Variants in PHF21B observed in about 807,000 individuals in gnomAD.
The protein encoded by PHF21B is PHD finger protein 4.
PHF21B carries 22 observed loss-of-function variants against 62.2 expected under a neutral mutation model. The observed-to-expected ratio is 0.35, with a 90% CI of 0.25 to 0.51. The LOEUF is 0.51. PHF21B is among the 20% of genes least tolerant of loss of function. The pLI, the probability that PHF21B is intolerant of heterozygous loss-of-function variation, is 0.97. For missense variants in PHF21B, 701 were observed against 707.9 expected (o/e 0.99, Z 0.11); for synonymous variants, 341 against 314.7 (o/e 1.08, Z -0.88).
At chr22:44,984,179 C>T (rs2072901096) in intron 2 of PHF21B, among the ~76,000 whole-genome samples, 9 of 105,252 alleles carry the variant, frequency 8.6e-5, no homozygotes, top group African/African-American at 1.4e-4. Flanking sequence ...ATCACCATCA[C>T]AACCACCATC....
chr22:44,969,293 C>T (rs2072591289), intron 2 of PHF21B: 1 of 152,288 alleles, frequency 6.6e-6, no homozygotes. Context: ...AGCTCTTAGA[C>T]TGAGGCCTGG....
At chr22:44,884,781 A>G (rs138695153) in intron 12 of PHF21B, among the ~76,000 whole-genome samples, 1 of 149,886 alleles carries the variant, frequency 6.7e-6, no homozygotes, top group Non-Finnish European at 1.5e-5. Flanking sequence ...CACCATCACC[A>G]CCACCATTAC....
chr22:44,888,934 G>A (rs925908886), intron 9 of PHF21B, among the ~76,000 whole-genome samples: 5 of 152,238 alleles, frequency 3.3e-5, no homozygotes, highest in Non-Finnish European at 5.9e-5. Flanking sequence ...TGTGGGCTCT[G>A]TGGGGACAGA....
intron 2 of PHF21B, among the ~76,000 whole-genome samples, chr22:44,951,590 G>A (rs1448445195): frequency 6.6e-6 from 1 of 152,196 alleles, no homozygotes; most frequent in Non-Finnish European, 1.5e-5. Context: ...TAACACCTGT[G>A]AGATGCATGA....
At chr22:44,930,370 G>A (rs2071716423) in intron 2 of PHF21B, among the ~76,000 whole-genome samples, 1 of 152,216 alleles carries the variant, frequency 6.6e-6, no homozygotes, top group Non-Finnish European at 1.5e-5. Context: ...TTTGGGTGGA[G>A]AACATGTGGA....
chr22:44,988,384 C>A (rs949036196), intron 2 of PHF21B, among the ~76,000 whole-genome samples: 2 of 152,136 alleles, frequency 1.3e-5, no homozygotes, highest in Non-Finnish European at 2.9e-5. Context: ...ATTGCTTGAG[C>A]CCTGGAGGTC....
rs542668074 is a variant in PHF21B at position 44,997,339 on chromosome 22, C to T, written c.120+11206G>A. Among the ~76,000 whole-genome samples the T allele has an allele frequency of 3.3e-3, 502 of 152,250 alleles. 2 individuals carry two copies. The highest frequency in any genetic ancestry group is 3.5e-3 in the Non-Finnish European group (238 of 68,016). The stretch of plus-strand genomic sequence containing the variant: ...GCTGGAATCACCTCGAGGGCTCTGG[C>T]CTCAGTCCACGATGGCCCCAGTAAC... On this transcript the variant is annotated intron_variant, in intron 2 of 12. Coordinates refer to ENST00000313237, the MANE Select transcript of PHF21B (RefSeq NM_138415.5).
chr22:44,921,691 C>T (rs1003078567), intron 2 of PHF21B, among the ~76,000 whole-genome samples: 9 of 148,706 alleles, frequency 6.1e-5, no homozygotes, highest in African/African-American at 1.2e-4. Context: ...TGGAGACTCG[C>T]TCTGTTGCCC....
chr22:44,927,833 C>T (rs2071662395), intron 2 of PHF21B, among the ~76,000 whole-genome samples: 1 of 152,202 alleles, frequency 6.6e-6, no homozygotes, highest in South Asian at 2.1e-4. Flanking sequence ...TACAGCCGCA[C>T]TTACTTCAAG....
At chr22:44,954,401 T>G (rs550908277) in intron 2 of PHF21B, among the ~76,000 whole-genome samples, 1 of 152,280 alleles carries the variant, frequency 6.6e-6, no homozygotes, top group African/African-American at 2.4e-5. Context: ...CCTCTCTCCC[T>G]ACCTGGTGCC....
intron 2 of PHF21B, among the ~76,000 whole-genome samples, chr22:44,995,004 G>A (rs1421514828): frequency 1.3e-5 from 2 of 152,208 alleles, no homozygotes; most frequent in African/African-American, 4.8e-5. Flanking sequence ...ACTGGTACTC[G>A]CCAGCCAGGT....
Position 44,939,317 on chromosome 22 carries a change from G to A in PHF21B, c.121-18827C>T, listed in dbSNP as rs549227784. On this transcript the variant is annotated intron_variant, in intron 2 of 12. Coordinates refer to ENST00000313237, the MANE Select transcript of PHF21B (RefSeq NM_138415.5). ...GCAGTTAGGTAAGTGGAGAAGGAGA[G>A]AGGGCTGTGGGTAGAACACGTCTGA... Among the ~76,000 whole-genome samples, 84 of 152,362 alleles carry A rather than the reference G, an allele frequency of 5.5e-4. 1 individual carries two copies. The highest frequency in any genetic ancestry group is 2.0e-3 in the African/African-American group (84 of 41,588).
At chr22:44,969,608 G>C (rs530964978) in intron 2 of PHF21B, among the ~76,000 whole-genome samples, 28 of 152,254 alleles carry the variant, frequency 1.8e-4, no homozygotes, top group African/African-American at 6.3e-4. Flanking sequence ...AGAGGTTACA[G>C]TGAGCTGAGA....
intron 5 of PHF21B, among the ~76,000 whole-genome samples, chr22:44,900,893 C>T (rs756217659): frequency 6.6e-6 from 1 of 151,924 alleles, no homozygotes; most frequent in Non-Finnish European, 1.5e-5. Context: ...CCCTGGAGCA[C>T]ACATCAGCTG....
intron 2 of PHF21B, among the ~76,000 whole-genome samples, chr22:44,950,177 T>C (rs534263481): frequency 6.6e-6 from 1 of 152,334 alleles, no homozygotes; most frequent in South Asian, 2.1e-4. Flanking sequence ...GAAGCACACA[T>C]AACACATCCT....
intron 3 of PHF21B, among the ~76,000 whole-genome samples, chr22:44,919,939 C>T (rs577396220): frequency 2.6e-5 from 4 of 152,214 alleles, no homozygotes; most frequent in Non-Finnish European, 5.9e-5. Context: ...GGGGACCCTG[C>T]ACTAGAAGCC....
At chr22:44,954,021 C>T (rs1371988352) in intron 2 of PHF21B, among the ~76,000 whole-genome samples, 4 of 152,222 alleles carry the variant, frequency 2.6e-5, no homozygotes, top group Non-Finnish European at 4.4e-5. Flanking sequence ...AGGAGCCTCT[C>T]CCGGCTCAGA....
chr22:45,006,375 ACACT>A (rs1426858520), intron 2 of PHF21B, among the ~76,000 whole-genome samples: 2 of 152,198 alleles, frequency 1.3e-5, no homozygotes, highest in African/African-American at 4.8e-5. Flanking sequence ...TTTTAAACAC[ACACT>A]CACACACACA....
At chr22:44,943,340 G>A (rs965869581) in intron 2 of PHF21B, among the ~76,000 whole-genome samples, 2 of 152,276 alleles carry the variant, frequency 1.3e-5, no homozygotes, top group Non-Finnish European at 2.9e-5. Flanking sequence ...TAATCCCTAG[G>A]ACAGAGCTGG....
Sources: gnomAD v4.1 joint callset for allele counts (sites outside exome capture counted in the v4.1 genomes callset) on GRCh38, gnomAD v4.1.1 for gene constraint, MANE v1.5 for transcripts, NCBI Gene and HGNC (gene_info 2026-07-23, HGNC 2026-07-21) for gene names.